Variants in PPFIA2 observed in about 807,000 individuals in gnomAD.
The protein encoded by PPFIA2 is PPFI scaffold protein A2, also known as liprin-alpha-2.
In PPFIA2, 46 loss-of-function variants were observed where a neutral mutation model predicts 175.5. The ratio of observed to expected loss-of-function variants is 0.26; its 90% CI spans 0.21 to 0.34. PPFIA2 has a LOEUF of 0.34. Ranked by LOEUF, PPFIA2 falls within the 10% of genes least tolerant of loss-of-function variation. PPFIA2 has a pLI of 1.00. For synonymous variants in PPFIA2, 568 were observed against 511.4 expected (o/e 1.11, Z -1.49); for missense variants, 1,179 against 1,506.1 (o/e 0.78, Z 3.60).
chr12:81,325,265 T>C (rs955314198), intron 22 of PPFIA2, among the ~76,000 whole-genome samples: 8 of 152,090 alleles, frequency 5.3e-5, no homozygotes, highest in African/African-American at 1.7e-4. Context: ...ATTTTGCAAG[T>C]CATTTAAATG....
At chr12:81,307,264 C>T (rs1222330405) in intron 22 of PPFIA2, among the ~76,000 whole-genome samples, 2 of 152,152 alleles carry the variant, frequency 1.3e-5, no homozygotes, top group African/African-American at 4.8e-5. Flanking sequence ...CAACCCAAGA[C>T]AGTAAAATCC....
chr12:81,504,229 A>T (rs1263858763), intron 4 of PPFIA2, among the ~76,000 whole-genome samples: 1 of 152,158 alleles, frequency 6.6e-6, no homozygotes, highest in Admixed American at 6.6e-5. Context: ...ATGGGATAAA[A>T]TTTTTGCAAT....
intron 4 of PPFIA2, among the ~76,000 whole-genome samples, chr12:81,635,754 T>C (rs1018425842): frequency 5.9e-5 from 9 of 152,200 alleles, no homozygotes; most frequent in African/African-American, 2.2e-4. Context: ...AAGTGGAAGC[T>C]AGATTGCCTA....
At chr12:81,310,744 G>A (rs1258569060) in intron 22 of PPFIA2, among the ~76,000 whole-genome samples, 1 of 152,198 alleles carries the variant, frequency 6.6e-6, no homozygotes, top group Non-Finnish European at 1.5e-5. Flanking sequence ...GCATTTTTAA[G>A]AACACCTTAC....
chr12:81,296,452 C>G (rs377348091), intron 23 of PPFIA2, among the ~76,000 whole-genome samples: 1 of 152,186 alleles, frequency 6.6e-6, no homozygotes, highest in Non-Finnish European at 1.5e-5. Context: ...ATGCCAATCA[C>G]GGGCATTATA....
At chr12:81,503,781 C>T (rs990479707) in intron 4 of PPFIA2, among the ~76,000 whole-genome samples, 2 of 151,986 alleles carry the variant, frequency 1.3e-5, no homozygotes, top group Non-Finnish European at 2.9e-5. Context: ...CATGTAAATG[C>T]ATATGTATAA....
intron 22 of PPFIA2, chr12:81,312,144 T>C (rs1198621494): frequency 3.9e-6 from 6 of 1,534,522 alleles, no homozygotes; most frequent in Admixed American, 2.0e-5. Context: ...TCAGCAGCCA[T>C]TGTGATTCAA....
intron 4 of PPFIA2, among the ~76,000 whole-genome samples, chr12:81,574,239 T>C (rs2073094841): frequency 6.6e-6 from 1 of 151,898 alleles, no homozygotes; most frequent in South Asian, 2.1e-4. Flanking sequence ...TATTGCTTGC[T>C]AATATATTTT....
intron 4 of PPFIA2, among the ~76,000 whole-genome samples, chr12:81,638,688 T>TTTA (rs1567671083): frequency 7.9e-6 from 1 of 125,950 alleles, no homozygotes; most frequent in African/African-American, 3.2e-5. Flanking sequence ...TTTTCTTTTT[T>TTTA]TTTTTTTTTT....
chr12:81,664,895 G>C (rs1233548628), intron 4 of PPFIA2, among the ~76,000 whole-genome samples: 1 of 152,010 alleles, frequency 6.6e-6, no homozygotes, highest in Non-Finnish European at 1.5e-5. Context: ...TAGGGACATG[G>C]ATGAAGCTGG....
chr12:81,279,514 A>C (rs922710804), intron 27 of PPFIA2, among the ~76,000 whole-genome samples: 2 of 152,160 alleles, frequency 1.3e-5, no homozygotes, highest in Non-Finnish European at 2.9e-5. Flanking sequence ...GAGGACATAT[A>C]ATATTATGAA....
chr12:81,321,510 T>C (rs945689543), intron 22 of PPFIA2, among the ~76,000 whole-genome samples: 2 of 152,156 alleles, frequency 1.3e-5, no homozygotes, highest in African/African-American at 4.8e-5. Flanking sequence ...ATACCATAAA[T>C]GTTATTTTTA....
At chr12:81,632,783 G>T (rs765271034) in intron 4 of PPFIA2, among the ~76,000 whole-genome samples, 1 of 151,994 alleles carries the variant, frequency 6.6e-6, no homozygotes, top group Non-Finnish European at 1.5e-5. Flanking sequence ...TGTATAAGGG[G>T]TCCCGTTTTA....
chr12:81,751,998 A>C (rs972532276), intron 3 of PPFIA2, among the ~76,000 whole-genome samples: 1 of 152,112 alleles, frequency 6.6e-6, no homozygotes, highest in African/African-American at 2.4e-5. Flanking sequence ...TAAACTGAAA[A>C]CTTCAAGCTT....
chr12:81,532,831 A>G (rs1356811204), intron 4 of PPFIA2, among the ~76,000 whole-genome samples: 1 of 151,744 alleles, frequency 6.6e-6, no homozygotes, highest in Non-Finnish European at 1.5e-5. Context: ...TCTTAAGCAG[A>G]GTGCCTAAAA....
chr12:81,731,160 C>T (rs2080847853), intron 3 of PPFIA2, among the ~76,000 whole-genome samples: 1 of 151,556 alleles, frequency 6.6e-6, no homozygotes, highest in South Asian at 2.1e-4. Flanking sequence ...GTTTTGGATG[C>T]TGTTCTATGG....
At chr12:81,601,738 C>T (rs184021216) in intron 4 of PPFIA2, among the ~76,000 whole-genome samples, 11 of 151,866 alleles carry the variant, frequency 7.2e-5, no homozygotes, top group African/African-American at 2.7e-4. Flanking sequence ...CTTTCCAAAC[C>T]TGGTTTGTTT....
chr12:81,691,473 T>C (rs1479436576), intron 3 of PPFIA2, among the ~76,000 whole-genome samples: 3 of 152,146 alleles, frequency 2.0e-5, no homozygotes, highest in African/African-American at 7.2e-5. Flanking sequence ...TTTCAGTACC[T>C]GAAATTCCTT....
intron 7 of PPFIA2, among the ~76,000 whole-genome samples, chr12:81,428,861 G>A (rs973364664): frequency 2.0e-5 from 3 of 152,022 alleles, no homozygotes; most frequent in Non-Finnish European, 4.4e-5. Flanking sequence ...TAAAAGCATA[G>A]CATCAGACAG....
Sources: allele counts gnomAD v4.1 joint callset (sites outside exome capture counted in the v4.1 genomes callset), GRCh38; gene constraint gnomAD v4.1.1; transcripts MANE v1.5; gene names NCBI Gene and HGNC (gene_info 2026-07-23, HGNC 2026-07-21).